The following CCDC33 variants were observed in gnomAD, a reference collection of about 807,000 sequenced individuals.
CCDC33 encodes the protein coiled-coil domain-containing protein 33.
A neutral mutation model predicts 91.9 loss-of-function variants in CCDC33; 94 were observed. The ratio of observed to expected loss-of-function variants is 1.02; its 90% CI spans 0.87 to 1.21. The LOEUF (loss-of-function observed/expected upper bound fraction) is 1.21. Among genes scored for constraint, CCDC33 ranks in the 50% most tolerant of loss-of-function variants. The pLI is 0.00. For missense variants in CCDC33, 940 were observed against 935.5 expected, an observed-to-expected ratio of 1.00 and a Z score of -0.06; for synonymous variants, 396 against 374.5, an observed-to-expected ratio of 1.06 and a Z score of -0.66.
Position 74,226,069 on chromosome 15 carries a change from A to G in CCDC33, c.675+7208A>G, listed in dbSNP as rs542455847. Among the ~76,000 whole-genome samples the G allele has an allele frequency of 3.3e-5, 5 of 152,324 alleles. No individual in the cohort carries two copies. In the South Asian group the frequency reaches 8.3e-4, roughly 25 times the overall value. ...AGCCTGAGGTGATGATCATTCATTC[A>G]TTCATTCATTCACTTTCCCAAGCAG... On this transcript the variant is annotated intron_variant, in intron 2 of 2. Coordinates refer to the CCDC33 transcript ENST00000635913.
chr15:74,269,521 T>C (rs940183679), intron 5 of CCDC33, among the ~76,000 whole-genome samples: 3 of 152,150 alleles, frequency 2.0e-5, no homozygotes, highest in Non-Finnish European at 4.4e-5. Context: ...TATCACGCCC[T>C]TTCCTGAGGA....
chr15:74,335,199 G>GCCCTGGAGTT, intron 18 of CCDC33, 111 bp downstream of exon 18: 2 of 868,010 alleles, frequency 2.3e-6, no homozygotes, highest in Non-Finnish European at 2.0e-6. Flanking sequence ...GCCAACTCCA[G>GCCCTGGAGTT]GGCTGGGGGT....
intron 17 of CCDC33, 47 bp downstream of exon 17, chr15:74,334,014 C>G (rs1420687078): frequency 6.7e-7 from 1 of 1,499,544 alleles, no homozygotes; most frequent in Admixed American, 1.7e-5. Context: ...GCTCACCACA[C>G]AGCCTATAAC....
At chr15:74,314,939 C>T (rs1444438463) in intron 11 of CCDC33, among the ~76,000 whole-genome samples, 1 of 152,244 alleles carries the variant, frequency 6.6e-6, no homozygotes. Context: ...AGAAGTCTGA[C>T]AGCCTGCCAA....
Position 74,218,732 on chromosome 15 carries a change from GA to G in CCDC33, c.547del (p.Ser183AlafsTer30). On this transcript the variant is annotated frameshift_variant, in exon 2 of 3. Transcript: ENST00000635913. LOFTEE classifies it high-confidence loss of function. The surrounding 1 kb of genome is among the most constrained non-coding windows in gnomAD (Gnocchi z 4.8). The stretch of plus-strand genomic sequence containing the variant: ...CGGACCCCACAGCCCGACACTGTGG[GA>G]GCCTGGCCTACAGTGTGGCCTTCCA... The G allele has an allele frequency of 7.8e-7, 1 of 1,289,824 alleles. No homozygotes were observed. Among genetic ancestry groups the G allele is most frequent in the Non-Finnish European group, 1.0e-6 (1 of 988,884 alleles). 79.9% of individuals were successfully genotyped at this position (1,289,824 alleles called of 1,614,324 possible).
intron 10 of CCDC33, among the ~76,000 whole-genome samples, chr15:74,292,919 T>A (rs894138941): frequency 6.6e-6 from 1 of 152,186 alleles, no homozygotes; most frequent in Non-Finnish European, 1.5e-5. Context: ...GGCACTGGTC[T>A]GGACTGAGGG....
intron 1 of CCDC33, among the ~76,000 whole-genome samples, chr15:74,204,940 A>AG (rs10647648): frequency 3.5e-4 from 53 of 151,728 alleles, no homozygotes; most frequent in Admixed American, 1.6e-3. Flanking sequence ...ATCTCAAAAA[A>AG]AAAGAAAGAA....
At chr15:74,280,831 A>G (rs1303264235) in intron 9 of CCDC33, 30 bp downstream of exon 9, 3 of 1,437,476 alleles carry the variant, frequency 2.1e-6, no homozygotes, top group East Asian at 2.7e-5. Flanking sequence ...CTGGGCCCCT[A>G]GCGTGCCCAC....
chr15:74,214,237 C>CT (rs2074394031), upstream of CCDC33, among the ~76,000 whole-genome samples: 1 of 152,066 alleles, frequency 6.6e-6, no homozygotes, highest in African/African-American at 2.4e-5. Context: ...CCAGCGGCCT[C>CT]TGAGTGGCCA....
At chr15:74,241,366 G>A (rs2075343013) in intron 1 of CCDC33, among the ~76,000 whole-genome samples, 2 of 152,236 alleles carry the variant, frequency 1.3e-5, no homozygotes, top group African/African-American at 4.8e-5. Flanking sequence ...GCAAGGCACA[G>A]GGATGACAGT....
At chr15:74,217,441 C>G in exon 1 of CCDC33, 23 of 1,289,776 alleles carry the variant, frequency 1.8e-5, no homozygotes, top group Non-Finnish European at 2.3e-5. Flanking sequence ...CAGGTGGGCT[C>G]TGGGGCTGGG....
chr15:74,317,861 G>C (rs1363968385), intron 11 of CCDC33, among the ~76,000 whole-genome samples: 1 of 150,514 alleles, frequency 6.6e-6, no homozygotes, highest in Non-Finnish European at 1.5e-5. Context: ...GCCGTTTCTA[G>C]GTGGCGGGCT....
intron 15 of CCDC33, among the ~76,000 whole-genome samples, chr15:74,332,209 G>GT (rs1220721895): frequency 6.6e-6 from 1 of 152,166 alleles, no homozygotes; most frequent in African/African-American, 2.4e-5. Flanking sequence ...CAGGGCCCCT[G>GT]TGTGCCCAGC....
chr15:74,258,799 G>A (rs1023323732), intron 2 of CCDC33, among the ~76,000 whole-genome samples: 4 of 152,198 alleles, frequency 2.6e-5, no homozygotes, highest in East Asian at 1.9e-4. Flanking sequence ...TGCAGCCCCC[G>A]GGAACCAGAT....
intron 2 of CCDC33, chr15:74,221,164 C>T: frequency 1.0e-6 from 1 of 961,984 alleles, no homozygotes; most frequent in Non-Finnish European, 1.2e-6. Context: ...CAATTCAGAA[C>T]TTGGTTGTAG....
At chr15:74,309,652 A>G (rs896228244) in intron 11 of CCDC33, among the ~76,000 whole-genome samples, 14 of 152,128 alleles carry the variant, frequency 9.2e-5, no homozygotes, top group Middle Eastern at 3.4e-3. Flanking sequence ...ACAGTGTAGG[A>G]GAGTGCAGAG....
At chr15:74,242,743 G>A (rs2075387468) in intron 1 of CCDC33, among the ~76,000 whole-genome samples, 1 of 152,112 alleles carries the variant, frequency 6.6e-6, no homozygotes, top group Non-Finnish European at 1.5e-5. Context: ...GGGAGGACAA[G>A]GACACCCCTG....
upstream of CCDC33, among the ~76,000 whole-genome samples, chr15:74,235,229 C>T (rs181427710): frequency 2.6e-3 from 398 of 152,350 alleles, 1 homozygote; most frequent in Middle Eastern, 0.01. Context: ...TACCATCCCC[C>T]ACCAGTGTCT....
At chr15:74,256,700 C>T (rs995829274) in intron 2 of CCDC33, among the ~76,000 whole-genome samples, 5 of 152,210 alleles carry the variant, frequency 3.3e-5, no homozygotes, top group Admixed American at 6.5e-5. Context: ...GACCCTGCAT[C>T]GCCTCCAGCC....
Sources: allele counts gnomAD v4.1 joint callset (sites outside exome capture counted in the v4.1 genomes callset), GRCh38; gene constraint gnomAD v4.1.1; non-coding constraint Gnocchi (gnomAD v3.1); transcripts MANE v1.5; gene names NCBI Gene and HGNC (gene_info 2026-07-23, HGNC 2026-07-21).